CLASP1: variants seen among roughly 807,000 people sequenced by gnomAD.
The protein encoded by CLASP1 is CLIP-associating protein 1.
CLASP1 carries 38 observed loss-of-function variants against 192.3 expected under a neutral mutation model. The observed-to-expected ratio is 0.20, with a 90% confidence interval of 0.15 to 0.26. CLASP1 has a LOEUF of 0.26. Among genes scored for constraint, CLASP1 ranks in the 10% least tolerant of loss-of-function variants. The pLI, the probability that CLASP1 is intolerant of heterozygous loss-of-function variation, is 1.00. For missense variants in CLASP1, 1,433 were observed against 1,932.5 expected (o/e 0.74, Z 4.85); for synonymous variants, 691 against 712.8 (o/e 0.97, Z 0.49).
At chr2:121,518,426 C>G (rs79914048) in intron 6 of CLASP1, among the ~76,000 whole-genome samples, 1 of 151,832 alleles carries the variant, frequency 6.6e-6, no homozygotes, top group Non-Finnish European at 1.5e-5. Context: ...AACCAGAACC[C>G]GGCCTCTAAA....
chr2:121,497,552 C>G (rs755757959), intron 8 of CLASP1, among the ~76,000 whole-genome samples: 1 of 151,906 alleles, frequency 6.6e-6, no homozygotes, highest in African/African-American at 2.4e-5. Context: ...ATTATAGCCA[C>G]GGATATGTGT....
intron 1 of CLASP1, among the ~76,000 whole-genome samples, chr2:121,610,986 A>G: frequency 7.4e-6 from 1 of 135,442 alleles, no homozygotes; most frequent in Admixed American, 7.3e-5. Context: ...AGGAAGAGGA[A>G]CTGGAGGAGG....
At chr2:121,569,570 C>T (rs1349795885) in intron 2 of CLASP1, among the ~76,000 whole-genome samples, 2 of 150,510 alleles carry the variant, frequency 1.3e-5, no homozygotes, top group Non-Finnish European at 2.9e-5. Context: ...AGATTTCTTA[C>T]GGCCGGACGT....
intron 6 of CLASP1, among the ~76,000 whole-genome samples, chr2:121,520,847 C>T (rs972718422): frequency 6.6e-6 from 1 of 152,208 alleles, no homozygotes; most frequent in Non-Finnish European, 1.5e-5. Context: ...AAATCCCCAC[C>T]TCCAGGAAGA....
At position 121,458,982 on chromosome 2, in the gene CLASP1, C is replaced by G; in HGVS notation, c.1179-7G>C. Reference sequence around the variant, plus strand: ...CAGAACTGATGACAGATGCCTAAAACAAGAAAAGGATACTGGACTATAGTT... The same window carrying G: ...CAGAACTGATGACAGATGCCTAAAAGAAGAAAAGGATACTGGACTATAGTT... On this transcript the variant is annotated splice_polypyrimidine_tract_variant and splice_region_variant and intron_variant, in intron 12 of 39. Coordinates refer to ENST00000263710, the Ensembl canonical transcript of CLASP1. The G allele has an allele frequency of 6.3e-7, 1 of 1,596,294 alleles. No individual in the cohort carries two copies. The highest frequency in any genetic ancestry group is 8.5e-7 in the Non-Finnish European group (1 of 1,172,252).
chr2:121,523,858 C>T (rs1207709573), intron 6 of CLASP1, among the ~76,000 whole-genome samples: 2 of 152,164 alleles, frequency 1.3e-5, no homozygotes, highest in Non-Finnish European at 2.9e-5. Flanking sequence ...CAAGACAGGC[C>T]CACAGCATGA....
At chr2:121,628,481 G>C (rs1199928154) in intron 1 of CLASP1, among the ~76,000 whole-genome samples, 1 of 151,984 alleles carries the variant, frequency 6.6e-6, no homozygotes, top group Non-Finnish European at 1.5e-5. Context: ...TTCGAGACCA[G>C]CCTTGCCAAC....
At chr2:121,561,509 A>C (rs1320565171) in intron 2 of CLASP1, among the ~76,000 whole-genome samples, 2 of 152,222 alleles carry the variant, frequency 1.3e-5, no homozygotes, top group South Asian at 2.1e-4. Context: ...AAAAGTATCC[A>C]ATCTTTTGGT....
chr2:121,409,820 A>AG (rs2077440067), intron 24 of CLASP1, among the ~76,000 whole-genome samples: 1 of 152,210 alleles, frequency 6.6e-6, no homozygotes, highest in Non-Finnish European at 1.5e-5. Flanking sequence ...CCTGAACTCT[A>AG]GCACCTGCCA....
intron 7 of CLASP1, among the ~76,000 whole-genome samples, chr2:121,514,794 A>G (rs1406062561): frequency 6.6e-6 from 1 of 152,340 alleles, no homozygotes; most frequent in Non-Finnish European, 1.5e-5. Flanking sequence ...AGTATGCCAT[A>G]AACTCTTTTG....
intron 2 of CLASP1, among the ~76,000 whole-genome samples, chr2:121,575,262 A>AC (rs1391243313): frequency 1.3e-5 from 2 of 151,016 alleles, no homozygotes; most frequent in Non-Finnish European, 2.9e-5. Context: ...GACGTGCACC[A>AC]CCATGCCCGG....
At chr2:121,541,673 A>G (rs2095237304) in intron 2 of CLASP1, among the ~76,000 whole-genome samples, 1 of 152,158 alleles carries the variant, frequency 6.6e-6, no homozygotes, top group South Asian at 2.1e-4. Flanking sequence ...CTCAGCTAGG[A>G]AAAAAAGCAC....
rs566126237 is a variant in CLASP1 at position 121,459,162 on chromosome 2, T to TA, written c.1179-188dup. Among the ~76,000 whole-genome samples, 74 of 149,994 alleles carry TA rather than the reference T, an allele frequency of 4.9e-4. No individual in the cohort carries two copies. The Middle Eastern group carries it at 0.017, about 35-fold the overall frequency. Reference sequence around the variant, plus strand: ...CCAAAAGTTTTGTTGTTTTTTTTTTTAAAAAAAAACATTTCCAACTAGTCT... The same window carrying TA: ...CCAAAAGTTTTGTTGTTTTTTTTTTTAAAAAAAAAACATTTCCAACTAGTCT... On this transcript the variant is annotated intron_variant, in intron 12 of 39. Coordinates refer to ENST00000263710, the Ensembl canonical transcript of CLASP1.
At chr2:121,366,431 CAG>C (rs2067423650) in intron 35 of CLASP1, among the ~76,000 whole-genome samples, 1 of 152,230 alleles carries the variant, frequency 6.6e-6, no homozygotes, top group African/African-American at 2.4e-5. Context: ...TGCTTTCAAA[CAG>C]AGAACTCCTC....
At chr2:121,420,960 C>T (rs147161974) in intron 22 of CLASP1, among the ~76,000 whole-genome samples, 32 of 152,314 alleles carry the variant, frequency 2.1e-4, no homozygotes, top group Admixed American at 9.8e-4. Context: ...TACCCCCCTC[C>T]GGTATTTCAC....
chr2:121,486,123 C>A (rs914406738), intron 8 of CLASP1, among the ~76,000 whole-genome samples: 2 of 152,088 alleles, frequency 1.3e-5, no homozygotes, highest in African/African-American at 4.8e-5. Flanking sequence ...CAGTAATGAA[C>A]GAGACTGGGT....
At chr2:121,401,915 T>C (rs890796486) in intron 26 of CLASP1, 45 bp from the exon 28 acceptor site, 2 of 664,178 alleles carry the variant, frequency 3.0e-6, no homozygotes, top group Non-Finnish European at 5.6e-6. Flanking sequence ...ACAAAACAAA[T>C]TCCATGTTAG....
At chr2:121,593,718 A>ATT (rs552624023) in intron 2 of CLASP1, among the ~76,000 whole-genome samples, 6 of 151,044 alleles carry the variant, frequency 4.0e-5, no homozygotes, top group African/African-American at 1.5e-4. Context: ...GATTAAAAAA[A>ATT]TTTTTTTTTC....
intron 2 of CLASP1, among the ~76,000 whole-genome samples, chr2:121,565,044 C>A (rs2059387490): frequency 6.6e-6 from 1 of 152,216 alleles, no homozygotes. Flanking sequence ...GCTGGGGCCC[C>A]TGCACAGAGG....
Sources: allele counts gnomAD v4.1 joint callset (sites outside exome capture counted in the v4.1 genomes callset), GRCh38; gene constraint gnomAD v4.1.1; transcripts MANE v1.5; gene names NCBI Gene and HGNC (gene_info 2026-07-23, HGNC 2026-07-21).